The following CSMD1 variants were observed in gnomAD, a reference collection of about 807,000 sequenced individuals.
CSMD1 encodes CUB and sushi domain-containing protein 1.
CSMD1 carries 213 observed loss-of-function variants against 417.5 expected under a neutral mutation model. The observed-to-expected ratio is 0.51, with a 90% CI of 0.46 to 0.57. The LOEUF is 0.57. Among genes scored for constraint, CSMD1 ranks in the 20% least tolerant of loss-of-function variants. CSMD1 has a pLI of 0.00. For missense variants in CSMD1, 6,923 were observed against 4,529.7 expected, an observed-to-expected ratio of 1.53 and a Z score of -15.17; for synonymous variants, 2,862 against 1,736.8, an observed-to-expected ratio of 1.65 and a Z score of -16.11.
chr8:4,584,461 C>T (rs533745750), intron 2 of CSMD1, among the ~76,000 whole-genome samples: 4 of 152,128 alleles, frequency 2.6e-5, no homozygotes, highest in East Asian at 1.9e-4. Flanking sequence ...CTAGCGTGGC[C>T]GCCGGACTAA....
intron 5 of CSMD1, among the ~76,000 whole-genome samples, chr8:3,775,439 G>A (rs960802773): frequency 2.6e-5 from 4 of 152,088 alleles, no homozygotes; most frequent in African/African-American, 9.7e-5. Flanking sequence ...ACTTTGGGGA[G>A]GGGGCAAAAA....
At chr8:4,234,316 A>G (rs1432582846) in intron 3 of CSMD1, among the ~76,000 whole-genome samples, 3 of 152,152 alleles carry the variant, frequency 2.0e-5, no homozygotes, top group African/African-American at 7.2e-5. Context: ...GCGATTGCAG[A>G]CACAAGTTTA....
chr8:4,200,996 C>A (rs1185776862), intron 3 of CSMD1, among the ~76,000 whole-genome samples: 3 of 152,110 alleles, frequency 2.0e-5, no homozygotes, highest in African/African-American at 4.8e-5. Flanking sequence ...CTCCACAGCG[C>A]CGTTCATATC....
At chr8:3,339,399 T>A (rs763335939) in intron 23 of CSMD1, among the ~76,000 whole-genome samples, 16 of 151,898 alleles carry the variant, frequency 1.1e-4, no homozygotes, top group African/African-American at 2.2e-4. Context: ...GGTAGGGGGG[T>A]TGCCTTAGGA....
intron 11 of CSMD1, among the ~76,000 whole-genome samples, chr8:3,480,785 T>C (rs928448755): frequency 6.6e-6 from 1 of 152,162 alleles, no homozygotes; most frequent in African/African-American, 2.4e-5. Context: ...ACAAATTCTA[T>C]ATTCAGTGAA....
intron 3 of CSMD1, among the ~76,000 whole-genome samples, chr8:4,040,998 T>G (rs1192909769): frequency 7.2e-6 from 1 of 138,978 alleles, no homozygotes; most frequent in Admixed American, 8.0e-5. Flanking sequence ...ATATTTTCTT[T>G]TCTTTCTTTT....
intron 2 of CSMD1, among the ~76,000 whole-genome samples, chr8:4,483,336 T>C (rs1242148972): frequency 1.3e-5 from 2 of 152,196 alleles, no homozygotes; most frequent in East Asian, 3.9e-4. Context: ...ATCGGCAGCA[T>C]GAAAATGAAC....
At chr8:3,481,174 A>C (rs1214043514) in intron 11 of CSMD1, among the ~76,000 whole-genome samples, 3 of 150,510 alleles carry the variant, frequency 2.0e-5, no homozygotes, top group Non-Finnish European at 4.4e-5. Flanking sequence ...AAAAAAAAAA[A>C]AAAAACCAGA....
intron 3 of CSMD1, among the ~76,000 whole-genome samples, chr8:4,158,443 C>G (rs1796959603): frequency 6.6e-6 from 1 of 151,986 alleles, no homozygotes; most frequent in Admixed American, 6.6e-5. Context: ...AAAAAAAAAT[C>G]AAAGAAACAG....
At chr8:4,278,537 C>T (rs911400872) in intron 3 of CSMD1, among the ~76,000 whole-genome samples, 1 of 152,138 alleles carries the variant, frequency 6.6e-6, no homozygotes, top group Non-Finnish European at 1.5e-5. Context: ...AAGTAAGGTA[C>T]TAAAATACTA....
intron 18 of CSMD1, among the ~76,000 whole-genome samples, chr8:3,379,191 G>T (rs1456872873): frequency 1.3e-5 from 2 of 152,138 alleles, no homozygotes; most frequent in East Asian, 1.9e-4. Flanking sequence ...AACTTACAAG[G>T]GATGTGAAGG....
intron 26 of CSMD1, among the ~76,000 whole-genome samples, chr8:3,264,194 G>T (rs1469558569): frequency 1.3e-5 from 2 of 152,188 alleles, no homozygotes; most frequent in Non-Finnish European, 2.9e-5. Flanking sequence ...CAGACTTGAG[G>T]TGAGGAAGTA....
chr8:3,833,576 T>G (rs1205263557), intron 5 of CSMD1, among the ~76,000 whole-genome samples: 1 of 152,128 alleles, frequency 6.6e-6, no homozygotes, highest in Non-Finnish European at 1.5e-5. Flanking sequence ...ACTTTTTTGT[T>G]TTTCATAATT....
chr8:4,241,848 A>G (rs1439382019), intron 3 of CSMD1, among the ~76,000 whole-genome samples: 1 of 152,040 alleles, frequency 6.6e-6, no homozygotes, highest in East Asian at 1.9e-4. Context: ...GTATGGGGTG[A>G]TTTTTAAGTG....
Position 3,488,428 on chromosome 8 carries a change from T to C in CSMD1, c.1448+5195A>G, listed in dbSNP as rs77945938. On this transcript the variant is annotated intron_variant, in intron 11 of 69. Transcript: ENST00000635120. ...TGGCCAATAACATGTCTTTTGACCTTTTACATTCAAGGCTAAAACCGATAG... is the reference window on the plus strand; with the variant it reads ...TGGCCAATAACATGTCTTTTGACCTCTTACATTCAAGGCTAAAACCGATAG... 4.0e-3 allele frequency among the ~76,000 whole-genome samples: 616 copies of C among 152,328 alleles called. 3 individuals carry two copies. The highest frequency in any genetic ancestry group is 0.014 in the African/African-American group (588 of 41,562).
intron 1 of CSMD1, among the ~76,000 whole-genome samples, chr8:4,814,558 C>A (rs1262706159): frequency 1.3e-5 from 2 of 151,946 alleles, no homozygotes; most frequent in Non-Finnish European, 2.9e-5. Context: ...AATTATAGCC[C>A]AGAATAATGA....
chr8:3,849,045 A>T (rs1020627856), intron 5 of CSMD1, among the ~76,000 whole-genome samples: 1 of 152,068 alleles, frequency 6.6e-6, no homozygotes, highest in Non-Finnish European at 1.5e-5. Flanking sequence ...ACTTAGTGGC[A>T]TGCAGTTTTG....
chr8:4,397,225 T>A (rs1442991083), intron 3 of CSMD1, among the ~76,000 whole-genome samples: 1 of 152,062 alleles, frequency 6.6e-6, no homozygotes, highest in Non-Finnish European at 1.5e-5. Context: ...AACAGCTCCC[T>A]TCTGTTTATT....
chr8:4,530,674 C>A (rs754382585), intron 2 of CSMD1, among the ~76,000 whole-genome samples: 1 of 151,130 alleles, frequency 6.6e-6, no homozygotes, highest in Non-Finnish European at 1.5e-5. Flanking sequence ...AGGGCATGAA[C>A]TCATTCTTTT....
Sources: allele counts gnomAD v4.1 joint callset (sites outside exome capture counted in the v4.1 genomes callset), GRCh38; gene constraint gnomAD v4.1.1; transcripts MANE v1.5; gene names NCBI Gene and HGNC (gene_info 2026-07-23, HGNC 2026-07-21).